Variants in FTO observed in about 807,000 individuals in gnomAD.
FTO encodes alpha-ketoglutarate-dependent dioxygenase FTO.
Under a neutral mutation model 63.9 loss-of-function variants are expected in FTO, and 47 were observed. The observed-to-expected ratio is 0.74, with a 90% CI of 0.58 to 0.94. The LOEUF (loss-of-function observed/expected upper bound fraction) is 0.94. Among genes scored for constraint, FTO ranks in the 40% least tolerant of loss-of-function variants. The pLI, the probability that FTO is intolerant of heterozygous loss-of-function variation, is 0.00. For missense variants in FTO, 562 were observed against 618.1 expected, an observed-to-expected ratio of 0.91 and a Z score of 0.96; for synonymous variants, 207 against 224.4, an observed-to-expected ratio of 0.92 and a Z score of 0.69.
chr16:54,108,958 C>T (rs2086816529), intron 8 of FTO, among the ~76,000 whole-genome samples: 1 of 152,188 alleles, frequency 6.6e-6, no homozygotes, highest in Non-Finnish European at 1.5e-5. Context: ...AGAAATGAAA[C>T]CCTAAAGGGG....
In FTO at chr16:53,971,172, T is replaced by G. The variant is rs556396235; in HGVS notation, c.1364+37063T>G. Among the ~76,000 whole-genome samples, 7 of 152,342 alleles carry G rather than the reference T, an allele frequency of 4.6e-5. No individual in the cohort carries two copies. In the South Asian group the frequency reaches 1.4e-3, roughly 32 times the overall value. The stretch of plus-strand genomic sequence containing the variant: ...GATGTATTACAATATGCAAAATCAT[T>G]TCCTTATTGTTGGACCTTTAAGTTG... On this transcript the variant is annotated intron_variant, in intron 8 of 8. Transcript: ENST00000471389.
intron 7 of FTO, among the ~76,000 whole-genome samples, chr16:53,930,619 T>G (rs1262456373): frequency 6.6e-6 from 1 of 152,210 alleles, no homozygotes; most frequent in Non-Finnish European, 1.5e-5. Flanking sequence ...TTTCTTTTTT[T>G]ACTTTTATCT....
At chr16:53,886,294 T>C (rs1453097430) in intron 6 of FTO, among the ~76,000 whole-genome samples, 1 of 152,196 alleles carries the variant, frequency 6.6e-6, no homozygotes, top group Non-Finnish European at 1.5e-5. Flanking sequence ...TTGGCGAGCC[T>C]TATCCATTCT....
In FTO at chr16:53,810,197, G is replaced by A. The variant is rs2078484206; in HGVS notation, c.103G>A (p.Asp35Asn). 6.2e-7 allele frequency: 1 copy of A among 1,607,554 alleles called. No individual in the cohort carries two copies. The highest frequency in any genetic ancestry group is 1.3e-5 in the African/African-American group (1 of 74,874). Residue 35 changes from aspartate (D) to asparagine (N), a missense_variant, in exon 2 of 9, where the codon GAT becomes AAT. By Grantham distance (23) the Asp-to-Asn change is conservative. Transcript: ENST00000471389. The part of the protein sequence containing the change: ...DTWLPYLTPK[D>N]DEFYQQWQLK... ...TTGGCTCCCTTATCTGACCCCCAAA[G>A]ATGATGAATTCTATCAGCAGGTAAG...
intron 1 of FTO, among the ~76,000 whole-genome samples, chr16:53,771,298 T>G (rs2077331527): frequency 6.6e-6 from 1 of 152,170 alleles, no homozygotes; most frequent in Admixed American, 6.5e-5. Context: ...GAAACATCCT[T>G]GACTTCGTCT....
At chr16:53,784,748 TAAA>T (rs1328173365) in intron 1 of FTO, among the ~76,000 whole-genome samples, 3 of 152,164 alleles carry the variant, frequency 2.0e-5, no homozygotes, top group Non-Finnish European at 1.5e-5. Context: ...TTCCTTATGT[TAAA>T]AAATAAAACC....
At chr16:53,875,084 G>A (rs2080609990) in intron 5 of FTO, among the ~76,000 whole-genome samples, 1 of 152,046 alleles carries the variant, frequency 6.6e-6, no homozygotes, top group African/African-American at 2.4e-5. Flanking sequence ...AAGAAAAGAA[G>A]GGAGGGAGGG....
chr16:53,889,385 G>T (rs2081090842), intron 7 of FTO, among the ~76,000 whole-genome samples: 1 of 152,110 alleles, frequency 6.6e-6, no homozygotes, highest in Non-Finnish European at 1.5e-5. Context: ...CCTCCCCCAG[G>T]GTCACTGAGT....
At chr16:53,743,062 A>G (rs1259700186) in intron 1 of FTO, among the ~76,000 whole-genome samples, 1 of 152,208 alleles carries the variant, frequency 6.6e-6, no homozygotes, top group East Asian at 1.9e-4. Context: ...GAATCCAGGT[A>G]TGTATAATTC....
rs1421085 is a variant in FTO, at chr16:53,767,042, T to C, written c.46-43098T>C. Among the ~76,000 whole-genome samples the C allele has an allele frequency of 0.31, 46,862 of 152,026 alleles. 8,801 individuals carry two copies. The highest frequency in any genetic ancestry group is 0.42 in the Non-Finnish European group (28,328 of 67,964). On this transcript the variant is annotated intron_variant, in intron 1 of 8. Coordinates refer to ENST00000471389, the MANE Select transcript of FTO (RefSeq NM_001080432.3). ...TAGCAGTTCAGGTCCTAAGGCATGATATTGATTAAGTGTCTGATGAGAATT... is the reference window on the plus strand; with the variant it reads ...TAGCAGTTCAGGTCCTAAGGCATGACATTGATTAAGTGTCTGATGAGAATT...
chr16:53,885,411 C>CTTGA lies in FTO; in HGVS notation c.1120-3419_1120-3416dup, dbSNP rs36007233. Among the ~76,000 whole-genome samples the CTTGA allele has an allele frequency of 0.031, 4,716 of 152,210 alleles. 421 individuals are homozygous for CTTGA. In the East Asian group the frequency reaches 0.34, roughly 11 times the overall value. ...GTTGAATAGAAGGCATGCCAGTGGA[C>CTTGA]TTGATGTCCAGAGATTGTATCTCAT... On this transcript the variant is annotated intron_variant, in intron 6 of 8. Coordinates refer to ENST00000471389, the MANE Select transcript of FTO (RefSeq NM_001080432.3).
At chr16:53,986,978 A>T (rs1488740859) in intron 8 of FTO, among the ~76,000 whole-genome samples, 1 of 152,182 alleles carries the variant, frequency 6.6e-6, no homozygotes, top group Non-Finnish European at 1.5e-5. Flanking sequence ...CTATTTAGCA[A>T]TTTAAATGAA....
chr16:54,097,775 T>G (rs148587261), intron 8 of FTO, among the ~76,000 whole-genome samples: 2 of 152,132 alleles, frequency 1.3e-5, no homozygotes, highest in East Asian at 3.9e-4. Flanking sequence ...TGGCATCAAG[T>G]GCTACAGAGA....
intron 7 of FTO, among the ~76,000 whole-genome samples, chr16:53,892,973 C>A (rs1255460447): frequency 6.6e-6 from 1 of 152,206 alleles, no homozygotes; most frequent in East Asian, 1.9e-4. Flanking sequence ...CTCCCCCATC[C>A]TCCACTTCCC....
intron 8 of FTO, among the ~76,000 whole-genome samples, chr16:54,041,824 G>A (rs1382824309): frequency 1.3e-5 from 2 of 152,198 alleles, no homozygotes; most frequent in African/African-American, 4.8e-5. Flanking sequence ...CAAGACACAC[G>A]ATGGAGGTTG....
chr16:53,973,896 C>T (rs1183720233), intron 8 of FTO, among the ~76,000 whole-genome samples: 2 of 152,138 alleles, frequency 1.3e-5, no homozygotes, highest in African/African-American at 4.8e-5. Context: ...GTGAAATGGA[C>T]TAGGTAGTAA....
intron 2 of FTO, among the ~76,000 whole-genome samples, chr16:53,810,873 C>T (rs1245433117): frequency 6.6e-6 from 1 of 152,170 alleles, no homozygotes; most frequent in East Asian, 1.9e-4. Context: ...AGTGTGATCT[C>T]ATGCTCAATA....
chr16:54,100,557 G>A (rs1411682950), intron 8 of FTO, among the ~76,000 whole-genome samples: 1 of 152,098 alleles, frequency 6.6e-6, no homozygotes, highest in Non-Finnish European at 1.5e-5. Flanking sequence ...GTTTCACTAT[G>A]TTGCCCAGGC....
intron 8 of FTO, among the ~76,000 whole-genome samples, chr16:54,110,420 A>G (rs1214800989): frequency 1.3e-5 from 2 of 152,204 alleles, no homozygotes; most frequent in East Asian, 1.9e-4. Flanking sequence ...AACAGACGCT[A>G]TTATCAGGGC....
Sources: gnomAD v4.1 joint callset for allele counts (sites outside exome capture counted in the v4.1 genomes callset) on GRCh38, gnomAD v4.1.1 for gene constraint, MANE v1.5 for transcripts, NCBI Gene and HGNC (gene_info 2026-07-23, HGNC 2026-07-21) for gene names.